ZNF229: variants seen among roughly 807,000 people sequenced by gnomAD.
ZNF229 encodes zinc finger protein 229.
A neutral mutation model predicts 11.8 loss-of-function variants in ZNF229; 10 were observed. The ratio of observed to expected loss-of-function variants is 0.85; its 90% CI spans 0.52 to 1.44. The LOEUF (loss-of-function observed/expected upper bound fraction) is 1.44, where lower values mean the gene tolerates loss of function less well. Among genes scored for constraint, ZNF229 ranks in the 40% most tolerant of loss-of-function variants. The probability of loss-of-function intolerance (pLI) is 0.00; values close to 1 mark genes in which losing one functional copy is unlikely to be tolerated. For synonymous variants in ZNF229, 368 were observed against 374.8 expected (o/e 0.98, Z 0.21); for missense variants, 1,045 against 1,015.1 (o/e 1.03, Z -0.40).
intron 4 of ZNF229, among the ~76,000 whole-genome samples, chr19:44,432,703 G>A (rs1971746983): frequency 6.6e-6 from 1 of 151,534 alleles, no homozygotes; most frequent in African/African-American, 2.4e-5. Context: ...GGTGGGGGGA[G>A]TGGGGAGGGA....
chr19:44,432,304 G>C lies in ZNF229; in HGVS notation c.156C>G (p.Asp52Glu). 1.2e-6 allele frequency: 2 copies of C among 1,613,950 alleles called. No homozygotes were observed. Among genetic ancestry groups the C allele is most frequent in the Non-Finnish European group, 1.7e-6 (2 of 1,179,990 alleles). Residue 52 changes from aspartate to glutamate, a missense_variant, in exon 5 of 6, where the codon GAC becomes GAG. Transcript: ENST00000614049. ...VFTEEELELLDSTQRQLYQDV... is the reference protein window; with the variant it reads ...VFTEEELELLESTQRQLYQDV... ...CTTGGTACAGCTGCCTCTGGGTAGAGTCCAGCAGCTCTAGCTCCTCCTCAG... is the reference window on the plus strand; with the variant it reads ...CTTGGTACAGCTGCCTCTGGGTAGACTCCAGCAGCTCTAGCTCCTCCTCAG...
chr19:44,446,152 A>G lies in ZNF229; in HGVS notation c.-178+1361T>C, dbSNP rs572070975. Among the ~76,000 whole-genome samples the G allele has an allele frequency of 3.3e-5, 5 of 152,320 alleles. No individual in the cohort carries two copies. In the South Asian group the frequency reaches 1.0e-3, roughly 32 times the overall value. ...TTGGTACAAAGGCAGTGGGACAAAG[A>G]AGTAATGGGAATAAGAGATAATTGC... is the stretch of plus-strand genomic sequence containing the variant. On this transcript the variant is annotated intron_variant, in intron 2 of 5. Coordinates refer to ENST00000614049, the MANE Select transcript of ZNF229 (RefSeq NM_014518.4).
chr19:44,437,767 C>T (rs755121241), intron 4 of ZNF229, among the ~76,000 whole-genome samples: 1 of 152,176 alleles, frequency 6.6e-6, no homozygotes, highest in African/African-American at 2.4e-5. Context: ...AACATATACA[C>T]CATGGAATAC....
rs1971691598 is a variant in ZNF229 at position 44,430,186 on chromosome 19, C to T, written c.595G>A (p.Val199Ile). 6 of 1,614,074 alleles carry T rather than the reference C, an allele frequency of 3.7e-6. No individual in the cohort carries two copies. In the East Asian group the frequency reaches 1.3e-4, roughly 36 times the overall value. The change falls in exon 6 of 6, where the codon GTT becomes ATT. Residue 199 changes from valine to isoleucine, a missense_variant. Coordinates refer to ENST00000614049, the MANE Select transcript of ZNF229 (RefSeq NM_014518.4). ...TCGAGATTTTTACATCTTTCTTGAACATCCCCTAACTGGTTCACAAACGCT... is the reference window on the plus strand; with the variant it reads ...TCGAGATTTTTACATCTTTCTTGAATATCCCCTAACTGGTTCACAAACGCT... ...AKAFVNQLGD[V>I]QERCKNLDTE... is the part of the protein sequence containing the mutation.
chr19:44,428,123 T>G lies in ZNF229; in HGVS notation c.*180A>C, dbSNP rs1011595961. On this transcript the variant is annotated 3_prime_UTR_variant, in exon 6 of 6. Transcript: ENST00000614049. ...ACTCTTAAAGACTGAAGTTTGTAAC[T>G]GAAGTGCTAACCTATTTATCACACA... 32 of 641,058 alleles carry G rather than the reference T, an allele frequency of 5.0e-5. No homozygotes were observed. The highest frequency in any genetic ancestry group is 7.0e-5 in the Non-Finnish European group (27 of 386,154). 39.7% of individuals were successfully genotyped at this position (641,058 alleles called of 1,614,324 possible). A position where few individuals can be genotyped will look rare whatever the true frequency, so the allele number is the denominator to read the frequency against.
At chr19:44,440,410 A>G (rs950381999) in intron 4 of ZNF229, among the ~76,000 whole-genome samples, 2 of 152,238 alleles carry the variant, frequency 1.3e-5, no homozygotes, top group Non-Finnish European at 2.9e-5. Flanking sequence ...CATTCCAGGA[A>G]GACCAACTGG....
chr19:44,437,701 A>G (rs1002505330), intron 4 of ZNF229, among the ~76,000 whole-genome samples: 5 of 152,214 alleles, frequency 3.3e-5, no homozygotes, highest in African/African-American at 1.2e-4. Flanking sequence ...ACAATAGAAA[A>G]GACATGAAAT....
chr19:44,434,066 G>A (rs1005086346), intron 4 of ZNF229, among the ~76,000 whole-genome samples: 2 of 152,268 alleles, frequency 1.3e-5, no homozygotes, highest in African/African-American at 2.4e-5. Flanking sequence ...AGCCCACTGT[G>A]AGCACTTCTT....
In ZNF229 at chr19:44,428,638, A is replaced by C. The variant is rs1345415062; in HGVS notation, c.2143T>G (p.Cys715Gly). 1.2e-6 allele frequency: 2 copies of C among 1,613,560 alleles called. No homozygotes were observed. Among genetic ancestry groups the C allele is most frequent in the African/African-American group, 2.7e-5 (2 of 74,700 alleles). ...LHTGEKPYTC[C>G]ECGKGFRYGS... ...TATCTGAAACCCTTCCCACATTCAC[A>C]ACAAGTGTAGGGTTTCTCTCCTGTG... Residue 715 changes from cysteine (C) to glycine (G), a missense_variant, in exon 6 of 6, where the codon TGT becomes GGT. Coordinates refer to ENST00000614049, the MANE Select transcript of ZNF229 (RefSeq NM_014518.4).
chr19:44,441,058 T>G (rs914546532), intron 4 of ZNF229, among the ~76,000 whole-genome samples: 2 of 152,118 alleles, frequency 1.3e-5, no homozygotes, highest in Admixed American at 1.3e-4. Flanking sequence ...GAGGATACTA[T>G]AGCCAAGTCT....
Position 44,429,767 on chromosome 19 carries a change from G to GT in ZNF229, c.1013dup (p.Asn338LysfsTer13). ...TGTCTCCCACAGGGGCTCTGGGGTGGTTACGTATGTGCGTGTTCTGTCTGA... is the reference window on the plus strand; with the variant it reads ...TGTCTCCCACAGGGGCTCTGGGGTGGTTTACGTATGTGCGTGTTCTGTCTGA... On this transcript the variant is annotated frameshift_variant, in exon 6 of 6. Coordinates refer to ENST00000614049, the MANE Select transcript of ZNF229 (RefSeq NM_014518.4). LOFTEE classifies it low-confidence loss of function (END_TRUNC). 1 of 1,614,036 alleles carries GT rather than the reference G, an allele frequency of 6.2e-7. No individual in the cohort carries two copies. Among genetic ancestry groups the GT allele is most frequent in the Non-Finnish European group, 8.5e-7 (1 of 1,180,026 alleles).
Position 44,443,033 on chromosome 19 carries a change from T to G in ZNF229, c.-177-9A>C. The G allele has an allele frequency of 1.5e-6, 1 of 656,022 alleles. No individual in the cohort carries two copies. The highest frequency in any genetic ancestry group is 1.8e-5 in the African/African-American group (1 of 55,250). The allele number at this position is 656,022 out of a possible 1,614,324, so 40.6% of individuals were successfully genotyped here. A position where few individuals can be genotyped will look rare whatever the true frequency, so the allele number is the denominator to read the frequency against. ...TCCCATGGTCAGGGGACCTGTAGGT[T>G]CGGGAGGGAACTTTACTTAGTCCTT... On this transcript the variant is annotated splice_polypyrimidine_tract_variant and intron_variant, in intron 2 of 5. Coordinates refer to ENST00000614049, the MANE Select transcript of ZNF229 (RefSeq NM_014518.4).
intron 4 of ZNF229, among the ~76,000 whole-genome samples, chr19:44,440,014 C>T (rs552889150): frequency 6.6e-6 from 1 of 152,236 alleles, no homozygotes; most frequent in East Asian, 1.9e-4. Context: ...AAAACATCTC[C>T]ATGGGAGTCC....
intron 4 of ZNF229, 54 bp from the exon 5 acceptor site, chr19:44,432,420 T>C: frequency 6.3e-7 from 1 of 1,591,982 alleles, no homozygotes; most frequent in Non-Finnish European, 8.5e-7. Context: ...CAAACTGGTG[T>C]CCACAGAGCA....
chr19:44,441,729 T>G (rs909788527), intron 4 of ZNF229, among the ~76,000 whole-genome samples: 2 of 152,234 alleles, frequency 1.3e-5, no homozygotes, highest in African/African-American at 4.8e-5. Flanking sequence ...CACATTTGGC[T>G]GTTATGAATG....
intron 4 of ZNF229, among the ~76,000 whole-genome samples, chr19:44,438,712 G>A (rs1348417758): frequency 6.6e-6 from 1 of 152,124 alleles, no homozygotes; most frequent in Non-Finnish European, 1.5e-5. Flanking sequence ...AGCTGAGGGT[G>A]AAGTTGATCA....
chr19:44,432,167 A>G (rs144850995), intron 5 of ZNF229, 55 bp downstream of exon 5: 1 of 1,553,480 alleles, frequency 6.4e-7, no homozygotes, highest in East Asian at 2.3e-5. Flanking sequence ...TAAAAAAGCC[A>G]AAAATATCTT....
chr19:44,429,575 C>G lies in ZNF229; in HGVS notation c.1206G>C (p.Glu402Asp). The G allele has an allele frequency of 6.2e-7, 1 of 1,614,088 alleles. No homozygotes were observed. Among genetic ancestry groups the G allele is most frequent in the Non-Finnish European group, 8.5e-7 (1 of 1,180,040 alleles). Residue 402 changes from glutamate (E) to aspartate (D), a missense_variant, in exon 6 of 6, where the codon GAG becomes GAC. By Grantham distance (45) the Glu-to-Asp change is conservative. Transcript: ENST00000614049. Reference sequence around the variant, plus strand: ...CACACTCGCTGCATTTATATGGTTTCTCTCCAGTGTGGACCCTCTGATGGA... The same window carrying G: ...CACACTCGCTGCATTTATATGGTTTGTCTCCAGTGTGGACCCTCTGATGGA... ...LLVHQRVHTG[E>D]KPYKCSECGK... is the part of the protein sequence containing the mutation.
intron 2 of ZNF229, among the ~76,000 whole-genome samples, chr19:44,444,400 G>C (rs1311835780): frequency 6.6e-6 from 1 of 152,150 alleles, no homozygotes; most frequent in Non-Finnish European, 1.5e-5. Context: ...ATGGCCCACA[G>C]TGACAAGCAT....
Sources: allele counts gnomAD v4.1 joint callset (sites outside exome capture counted in the v4.1 genomes callset), GRCh38; gene constraint gnomAD v4.1.1; transcripts MANE v1.5; gene names NCBI Gene and HGNC (gene_info 2026-07-23, HGNC 2026-07-21).